The following VPS13C variants were observed in gnomAD, a reference collection of about 807,000 sequenced individuals.
The protein encoded by VPS13C is vacuolar protein sorting 13 homolog C, also known as intermembrane lipid transfer protein VPS13C.
VPS13C carries 358 observed loss-of-function variants against 456.8 expected under a neutral mutation model. That is an observed-to-expected ratio of 0.78 (90% CI 0.72 to 0.86). VPS13C has a LOEUF of 0.86. Ranked by LOEUF, VPS13C falls within the 40% of genes least tolerant of loss-of-function variation. The pLI is 0.00. For synonymous variants in VPS13C, 1,578 were observed against 1,486.7 expected, an observed-to-expected ratio of 1.06 and a Z score of -1.41; for missense variants, 4,818 against 4,385.4, an observed-to-expected ratio of 1.10 and a Z score of -2.79.
intron 82 of VPS13C, among the ~76,000 whole-genome samples, chr15:61,859,763 CT>C: frequency 6.6e-6 from 1 of 152,204 alleles, no homozygotes; most frequent in Middle Eastern, 3.4e-3. Flanking sequence ...TTGTAGCCCC[CT>C]GCCCATTAAA....
At chr15:61,909,508 G>A (rs746596221) in intron 64 of VPS13C, among the ~76,000 whole-genome samples, 1 of 152,136 alleles carries the variant, frequency 6.6e-6, no homozygotes, top group African/African-American at 2.4e-5. Flanking sequence ...CACCCGGCCT[G>A]TTTCCTTAAG....
intron 81 of VPS13C, chr15:61,864,932 C>A: frequency 1.0e-6 from 1 of 976,506 alleles, no homozygotes; most frequent in Non-Finnish European, 1.2e-6. Flanking sequence ...AGAAATACTA[C>A]CCACTTTCTA....
chr15:62,028,574 T>C (rs1460039641), intron 5 of VPS13C, among the ~76,000 whole-genome samples, 154 bp from the exon 6 acceptor site: 1 of 152,122 alleles, frequency 6.6e-6, no homozygotes, highest in East Asian at 1.9e-4. Context: ...ATTTTATTTC[T>C]GAGGAAATAT....
chr15:61,868,966 A>G lies in VPS13C; in HGVS notation c.10749-193T>C, dbSNP rs541983227. ...CCCCAACCTTTTCTAAAATAAAAAG[A>G]AATATCAAAATAATAAAAGCAGGGC... On this transcript the variant is annotated intron_variant, in intron 80 of 84. Coordinates refer to ENST00000644861, the MANE Select transcript of VPS13C (RefSeq NM_020821.3). 2.0e-5 allele frequency among the ~76,000 whole-genome samples: 3 copies of G among 152,352 alleles called. No individual in the cohort carries two copies. In the South Asian group the frequency reaches 6.2e-4, roughly 32 times the overall value.
intron 66 of VPS13C, among the ~76,000 whole-genome samples, chr15:61,904,756 A>G (rs1271544710): frequency 6.6e-6 from 1 of 152,174 alleles, no homozygotes; most frequent in African/African-American, 2.4e-5. Context: ...ATGAATGGAT[A>G]AAGAAAATGT....
In VPS13C at chr15:61,951,891, A is replaced by C. The variant is rs1316300066; in HGVS notation, c.4389T>G (p.Val1463=). ...CTTTAGCAGTCATGTCATAGGTTTT[A>C]ACTTTAGCTTCCATTCCAAGTTGCA... ...NVLQLGMEAK[V]KTYDMTAKAY... The change falls in exon 39 of 85, where the codon GTT becomes GTG. Residue 1463 remains valine (V), a synonymous_variant. Coordinates refer to ENST00000644861, the MANE Select transcript of VPS13C (RefSeq NM_020821.3). 1.9e-6 allele frequency: 3 copies of C among 1,613,894 alleles called. No homozygotes were observed. The South Asian group carries it at 3.3e-5, about 18-fold the overall frequency.
intron 48 of VPS13C, among the ~76,000 whole-genome samples, chr15:61,935,939 T>C (rs1039059827): frequency 5.9e-5 from 9 of 152,306 alleles, no homozygotes; most frequent in African/African-American, 1.9e-4. Flanking sequence ...TCATCTCTTT[T>C]TAGCCATGAA....
At chr15:61,869,381 C>G in intron 80 of VPS13C, 119 bp downstream of exon 80, 1 of 1,150,290 alleles carries the variant, frequency 8.7e-7, no homozygotes, top group Non-Finnish European at 1.2e-6. Flanking sequence ...AAAGCTACCA[C>G]AGCTTTCAAT....
In VPS13C at chr15:61,946,289, A is replaced by C. The variant is rs751810764; in HGVS notation, c.4980+18T>G. On this transcript the variant is annotated intron_variant, in intron 44 of 84. Coordinates refer to ENST00000644861, the MANE Select transcript of VPS13C (RefSeq NM_020821.3). ...AAGGCAAAATAAATTCCAATATAAA[A>C]ATCTATTTTTTAATCACCTTTTTGT... The C allele has an allele frequency of 7.1e-6, 11 of 1,550,148 alleles. No individual in the cohort carries two copies. In the East Asian group the frequency reaches 2.1e-4, roughly 29 times the overall value.
At position 61,945,167 on chromosome 15, in the gene VPS13C, G is replaced by A. The variant is rs527871586; in HGVS notation, c.5148+548C>T. Among the ~76,000 whole-genome samples, 15 of 152,332 alleles carry A rather than the reference G, an allele frequency of 9.8e-5. No homozygotes were observed. The East Asian group carries it at 2.1e-3, about 22-fold the overall frequency. On this transcript the variant is annotated intron_variant, in intron 45 of 84. Coordinates refer to ENST00000644861, the MANE Select transcript of VPS13C (RefSeq NM_020821.3). ...CATGATTCAGTTTCCTGAGGCCTCC[G>A]CAGCTATGCGGAATGGTGAGTGCAT...
rs142992248 is a variant in VPS13C, at chr15:61,920,179, A to G, written c.7365T>C (p.Asp2455=). The change falls in exon 57 of 85, where the codon GAT becomes GAC. Residue 2455 remains aspartate, a synonymous_variant. Coordinates refer to ENST00000644861, the MANE Select transcript of VPS13C (RefSeq NM_020821.3). ...MGFPEKSDIF[D]VDAGQNLELE... ...GTTCCAAATTCTGGCCAGCATCAACATCAAAAATATCACTTTTCTCAGGGA... is the reference window on the plus strand; with the variant it reads ...GTTCCAAATTCTGGCCAGCATCAACGTCAAAAATATCACTTTTCTCAGGGA... The G allele has an allele frequency of 1.6e-5, 26 of 1,613,646 alleles. No individual in the cohort carries two copies. In the African/African-American group the frequency reaches 2.3e-4, roughly 14 times the overall value.
chr15:61,918,666 C>T (rs1446849311), intron 58 of VPS13C, among the ~76,000 whole-genome samples: 1 of 151,906 alleles, frequency 6.6e-6, no homozygotes, highest in Non-Finnish European at 1.5e-5. Context: ...CAGTCTGTTA[C>T]GCATTGGAGC....
chr15:61,954,651 C>T, intron 37 of VPS13C, 97 bp from the exon 38 acceptor site: 1 of 1,260,292 alleles, frequency 7.9e-7, no homozygotes, highest in Non-Finnish European at 1.1e-6. Context: ...CTGGTAGAGG[C>T]AATGAAAATC....
rs12594658 is a variant in VPS13C, at chr15:62,012,891, A to G, written c.825+148T>C. 211,082 of 494,592 alleles carry G rather than the reference A, an allele frequency of 0.43. 48,377 individuals are homozygous for G. Among genetic ancestry groups the G allele is most frequent in the Admixed American group, 0.54 (13,645 of 25,230 alleles). 30.6% of individuals were successfully genotyped at this position (494,592 alleles called of 1,614,324 possible). ...CTGCTTTTGTGAAGACACATAGTGG[A>G]TTTGAAAGGATGTTTTTCATATTTC... On this transcript the variant is annotated intron_variant, in intron 11 of 84. Transcript: ENST00000644861.
intron 65 of VPS13C, among the ~76,000 whole-genome samples, chr15:61,908,465 G>C (rs927007335): frequency 7.9e-5 from 12 of 151,696 alleles, no homozygotes; most frequent in African/African-American, 2.9e-4. Flanking sequence ...GACAGCAAAG[G>C]CAAGAACAAT....
At position 61,881,062 on chromosome 15, in the gene VPS13C, T is replaced by C. The variant is rs954697709; in HGVS notation, c.9777-108A>G. 7 of 852,066 alleles carry C rather than the reference T, an allele frequency of 8.2e-6. No homozygotes were observed. In the Admixed American group the frequency reaches 2.3e-4, roughly 28 times the overall value. The allele number at this position is 852,066 out of a possible 1,614,324, so 52.8% of individuals were successfully genotyped here. ...GCCACAGTTATATCTTGTTCCTTCA[T>C]CTCCTAAAAATTATGTTAATAAGAT... On this transcript the variant is annotated intron_variant, in intron 71 of 84. Transcript: ENST00000644861.
chr15:62,032,812 G>C (rs1258818882), intron 5 of VPS13C, among the ~76,000 whole-genome samples: 3 of 151,524 alleles, frequency 2.0e-5, no homozygotes, highest in Non-Finnish European at 3.0e-5. Flanking sequence ...ATAGATGTCT[G>C]GAAAAGTCCT....
intron 55 of VPS13C, among the ~76,000 whole-genome samples, chr15:61,921,249 C>G (rs1234104710): frequency 6.6e-6 from 1 of 152,060 alleles, no homozygotes; most frequent in Non-Finnish European, 1.5e-5. Flanking sequence ...AGTGACTCAT[C>G]TTTAACAAAA....
intron 18 of VPS13C, among the ~76,000 whole-genome samples, chr15:61,986,957 C>A (rs2046075363): frequency 6.6e-6 from 1 of 152,002 alleles, no homozygotes. Flanking sequence ...TCATCACCAG[C>A]AGAACTGCAT....
Sources: allele counts gnomAD v4.1 joint callset (sites outside exome capture counted in the v4.1 genomes callset), GRCh38; gene constraint gnomAD v4.1.1; transcripts MANE v1.5; gene names NCBI Gene and HGNC (gene_info 2026-07-23, HGNC 2026-07-21).